Variants in SYNE2 observed in about 807,000 individuals in gnomAD.
SYNE2 encodes nesprin-2.
Under a neutral mutation model 856.3 loss-of-function variants are expected in SYNE2, and 431 were observed. That is an observed-to-expected ratio of 0.50 (90% CI 0.47 to 0.55). The LOEUF (loss-of-function observed/expected upper bound fraction) is 0.55, where lower values mean the gene tolerates loss of function less well. SYNE2 is among the 20% of genes least tolerant of loss of function. The probability of loss-of-function intolerance (pLI) is 0.00; values close to 1 mark genes in which losing one functional copy is unlikely to be tolerated. For synonymous variants in SYNE2, 2,923 were observed against 2,872.3 expected (o/e 1.02, Z -0.56); for missense variants, 8,129 against 8,023.2 (o/e 1.01, Z -0.50).
chr14:63,932,822 G>A (rs2095781057), intron 2 of SYNE2, among the ~76,000 whole-genome samples: 1 of 152,226 alleles, frequency 6.6e-6, no homozygotes, highest in Admixed American at 6.5e-5. Context: ...GAGAGATGGG[G>A]AAGAGTGGCC....
intron 52 of SYNE2, among the ~76,000 whole-genome samples, chr14:64,073,554 A>T (rs1466648993): frequency 1.3e-5 from 2 of 152,190 alleles, no homozygotes; most frequent in African/African-American, 4.8e-5. Flanking sequence ...GCCTCTTCTG[A>T]TATTTGCTGC....
At chr14:63,826,997 G>A (rs1317807625) in intron 1 of SYNE2, among the ~76,000 whole-genome samples, 1 of 152,170 alleles carries the variant, frequency 6.6e-6, no homozygotes, top group Non-Finnish European at 1.5e-5. Flanking sequence ...AATTCTTGCA[G>A]CTGGGCACGG....
At chr14:63,936,410 G>A (rs1300108385) in intron 2 of SYNE2, among the ~76,000 whole-genome samples, 1 of 152,150 alleles carries the variant, frequency 6.6e-6, no homozygotes, top group Non-Finnish European at 1.5e-5. Context: ...GAGGGATCGG[G>A]AGTTGGGGGT....
chr14:63,835,996 A>AG (rs1018261930), intron 1 of SYNE2, among the ~76,000 whole-genome samples: 2 of 151,388 alleles, frequency 1.3e-5, no homozygotes, highest in Non-Finnish European at 3.0e-5. Flanking sequence ...AAAAAAAAAA[A>AG]AAGGTGAAAA....
intron 11 of SYNE2, among the ~76,000 whole-genome samples, chr14:63,975,259 C>G (rs1345986078): frequency 2.0e-5 from 3 of 152,038 alleles, no homozygotes; most frequent in African/African-American, 7.2e-5. Context: ...TCTCCTTGAG[C>G]CACAATTTTG....
intron 1 of SYNE2, among the ~76,000 whole-genome samples, chr14:63,827,246 C>T (rs551713925): frequency 1.3e-5 from 2 of 150,156 alleles, no homozygotes; most frequent in African/African-American, 2.5e-5. Flanking sequence ...CCACTGCATG[C>T]CAGCCTGGGT....
Position 64,122,041 on chromosome 14 carries a change from A to G in SYNE2, c.13188A>G (p.Lys4396=). The G allele has an allele frequency of 6.2e-7, 1 of 1,613,900 alleles. No individual in the cohort carries two copies. Among genetic ancestry groups the G allele is most frequent in the Non-Finnish European group, 8.5e-7 (1 of 1,180,008 alleles). The change falls in exon 69 of 116, where the codon AAA becomes AAG. Residue 4396 remains lysine, a synonymous_variant. Transcript: ENST00000555002. ...TGGAGTTAAAACCAATGGAACAGAA[A>G]GATTTCATCAAATTCATAGAATTTA... ...QVLELKPMEQ[K]DFIKFIEFNA...
At chr14:64,102,134 C>A in intron 64 of SYNE2, 92 bp downstream of exon 64, 2 of 896,320 alleles carry the variant, frequency 2.2e-6, no homozygotes, top group Non-Finnish European at 3.6e-6. Context: ...TCCCTACACC[C>A]CTGAGACGGA....
intron 88 of SYNE2, 53 bp from the exon 89 acceptor site, chr14:64,163,349 A>T (rs1296591130): frequency 6.2e-7 from 1 of 1,600,522 alleles, no homozygotes; most frequent in African/African-American, 1.3e-5. Flanking sequence ...GCGGGTAGGG[A>T]ATTGTGGTTT....
rs1555563835 is a variant in SYNE2 at position 64,224,992 on chromosome 14, C to G, written c.20470-7C>G. On this transcript the variant is annotated splice_polypyrimidine_tract_variant and splice_region_variant and intron_variant, in intron 114 of 115. Coordinates refer to ENST00000555002, the MANE Select transcript of SYNE2 (RefSeq NM_182914.3). ...AACTTACTAACTGGAGTTTCTTTAC[C>G]CAGCAGTTCAGAGCAGTGAGAACTA... 1 of 1,613,624 alleles carries G rather than the reference C, an allele frequency of 6.2e-7. No individual in the cohort carries two copies. The highest frequency in any genetic ancestry group is 1.7e-5 in the Admixed American group (1 of 59,982).
intron 6 of SYNE2, among the ~76,000 whole-genome samples, chr14:63,949,218 A>C (rs2096109127): frequency 6.6e-6 from 1 of 152,194 alleles, no homozygotes; most frequent in Admixed American, 6.5e-5. Flanking sequence ...TAGCAATATA[A>C]GAATATCTAG....
At chr14:63,797,450 G>A (rs958435207) in intron 1 of SYNE2, among the ~76,000 whole-genome samples, 1 of 151,920 alleles carries the variant, frequency 6.6e-6, no homozygotes, top group Non-Finnish European at 1.5e-5. Context: ...ACCATTTGAT[G>A]TTGACAAGTT....
chr14:63,971,170 G>A (rs1657419264), intron 11 of SYNE2, among the ~76,000 whole-genome samples: 3 of 150,736 alleles, frequency 2.0e-5, no homozygotes, highest in Admixed American at 2.0e-4. Flanking sequence ...GGAGTGCAGT[G>A]GCTTGATCAC....
chr14:64,204,636 C>G (rs1242032308), intron 100 of SYNE2, among the ~76,000 whole-genome samples: 1 of 151,988 alleles, frequency 6.6e-6, no homozygotes, highest in Non-Finnish European at 1.5e-5. Context: ...TTTGAAAATT[C>G]TGTCTTTATA....
intron 111 of SYNE2, among the ~76,000 whole-genome samples, chr14:64,220,978 C>G (rs142351636): frequency 3.3e-5 from 5 of 152,306 alleles, no homozygotes; most frequent in African/African-American, 1.2e-4. Context: ...GGAGCAGTTA[C>G]TGCTTAATAG....
intron 1 of SYNE2, among the ~76,000 whole-genome samples, chr14:63,791,042 C>T (rs1887713021): frequency 6.6e-6 from 1 of 152,076 alleles, no homozygotes; most frequent in African/African-American, 2.4e-5. Flanking sequence ...ACTGCAAACT[C>T]TGCCTCCCAG....
At chr14:63,973,631 C>CAAAAAAAAAAAAAAAA in intron 11 of SYNE2, among the ~76,000 whole-genome samples, 1 of 67,810 alleles carries the variant, frequency 1.5e-5, no homozygotes, top group Non-Finnish European at 2.8e-5. Context: ...GAGTCCATCT[C>CAAAAAAAAAAAAAAAA]AAAAAAAAAA....
chr14:64,010,096 C>A lies in SYNE2; in HGVS notation c.4708C>A (p.Leu1570Met). ...GGCTTCGTACATGGGAAAGGAGAACCTGAAGAAAAGGATAGCAGAGGTGAG... is the reference window on the plus strand; with the variant it reads ...GGCTTCGTACATGGGAAAGGAGAACATGAAGAAAAGGATAGCAGAGGTGAG... ...LQASYMGKENLKKRIAEIEIV... is the reference protein window; with the variant it reads ...LQASYMGKENMKKRIAEIEIV... The change falls in exon 32 of 116, where the codon CTG becomes ATG. Residue 1570 changes from leucine (L) to methionine (M), a missense_variant. Transcript: ENST00000555002. 8 of 1,613,184 alleles carry A rather than the reference C, an allele frequency of 5.0e-6. No individual in the cohort carries two copies. The highest frequency in any genetic ancestry group is 6.8e-6 in the Non-Finnish European group (8 of 1,179,536).
chr14:63,958,212 A>T (rs2096264991), intron 8 of SYNE2, among the ~76,000 whole-genome samples: 1 of 152,170 alleles, frequency 6.6e-6, no homozygotes, highest in Non-Finnish European at 1.5e-5. Flanking sequence ...TGGATATGTT[A>T]TTTTAAATTA....
Sources: gnomAD v4.1 joint callset for allele counts (sites outside exome capture counted in the v4.1 genomes callset) on GRCh38, gnomAD v4.1.1 for gene constraint, MANE v1.5 for transcripts, NCBI Gene and HGNC (gene_info 2026-07-23, HGNC 2026-07-21) for gene names.